PAPSS2: variants seen among roughly 807,000 people sequenced by gnomAD.
The protein encoded by PAPSS2 is 3'-phosphoadenosine 5'-phosphosulfate synthase 2.
Under a neutral mutation model 66.5 loss-of-function variants are expected in PAPSS2, and 61 were observed. The ratio of observed to expected loss-of-function variants is 0.92; its 90% CI spans 0.75 to 1.14. The LOEUF is 1.14. Among genes scored for constraint, PAPSS2 ranks in the 50% most tolerant of loss-of-function variants. The pLI, the probability that PAPSS2 is intolerant of heterozygous loss-of-function variation, is 0.00. For synonymous variants in PAPSS2, 289 were observed against 287.5 expected (o/e 1.01, Z -0.05); for missense variants, 708 against 789.6 (o/e 0.90, Z 1.24).
intron 1 of PAPSS2, among the ~76,000 whole-genome samples, chr10:87,678,466 G>A (rs1215932980): frequency 6.6e-6 from 1 of 152,040 alleles, no homozygotes. Context: ...AAACTAAAAA[G>A]CTTCTGCACA....
intron 1 of PAPSS2, among the ~76,000 whole-genome samples, chr10:87,663,624 G>C (rs1852782195): frequency 6.6e-6 from 1 of 152,170 alleles, no homozygotes; most frequent in Non-Finnish European, 1.5e-5. Flanking sequence ...ATTCAGGTCT[G>C]TCCAGCTTCA....
At chr10:87,718,904 A>G (rs1196256641) in intron 7 of PAPSS2, among the ~76,000 whole-genome samples, 1 of 152,166 alleles carries the variant, frequency 6.6e-6, no homozygotes, top group Non-Finnish European at 1.5e-5. Flanking sequence ...AGGGTTCAAG[A>G]TCAGATGTTT....
At chr10:87,730,244 G>A (rs914973126) in intron 9 of PAPSS2, among the ~76,000 whole-genome samples, 4 of 152,144 alleles carry the variant, frequency 2.6e-5, no homozygotes, top group African/African-American at 4.8e-5. Flanking sequence ...TACTGCACAC[G>A]GGGAAAATCA....
chr10:87,692,370 A>G (rs7077252), intron 1 of PAPSS2, among the ~76,000 whole-genome samples: 8,513 of 152,208 alleles, frequency 0.056, 792 homozygotes, highest in African/African-American at 0.19. Context: ...AAGCAGGTAC[A>G]AATCACTGAG....
intron 11 of PAPSS2, among the ~76,000 whole-genome samples, chr10:87,744,395 G>T (rs1853911212): frequency 6.6e-6 from 1 of 152,180 alleles, no homozygotes; most frequent in Non-Finnish European, 1.5e-5. Context: ...TAGTGGATTT[G>T]AACGAGCTGG....
At chr10:87,737,043 C>T (rs1454487222) in intron 9 of PAPSS2, among the ~76,000 whole-genome samples, 4 of 152,100 alleles carry the variant, frequency 2.6e-5, no homozygotes, top group Admixed American at 6.5e-5. Context: ...CTCTCCCAGG[C>T]CTAGCAGCAA....
chr10:87,722,192 C>G (rs1158939658), intron 8 of PAPSS2, among the ~76,000 whole-genome samples: 1 of 151,854 alleles, frequency 6.6e-6, no homozygotes, highest in Non-Finnish European at 1.5e-5. Flanking sequence ...CTGAATGTAC[C>G]TGGTTGGATT....
intron 3 of PAPSS2, among the ~76,000 whole-genome samples, chr10:87,713,639 G>A (rs1243383460): frequency 2.0e-5 from 3 of 152,116 alleles, no homozygotes; most frequent in Non-Finnish European, 4.4e-5. Context: ...TTTAGTTGTC[G>A]GAAAAAGGAT....
At chr10:87,675,099 C>T (rs913425180) in intron 1 of PAPSS2, among the ~76,000 whole-genome samples, 6 of 152,170 alleles carry the variant, frequency 3.9e-5, no homozygotes, top group African/African-American at 7.2e-5. Context: ...CTAAGAGGGA[C>T]GGCCTTTATT....
chr10:87,730,342 CA>C (rs1308505195), intron 9 of PAPSS2, among the ~76,000 whole-genome samples: 1 of 152,124 alleles, frequency 6.6e-6, no homozygotes, highest in East Asian at 1.9e-4. Flanking sequence ...AGAGGATGGC[CA>C]AAACCAGGTT....
At position 87,705,826 on chromosome 10, in the gene PAPSS2, C is replaced by T. The variant is rs558818444; in HGVS notation, c.28-3370C>T. ...TCGGGTCACTGCAACCTCCGCCTCCCGGGTTCAAGCGATTCTTCTGCCTCA... is the reference window on the plus strand; with the variant it reads ...TCGGGTCACTGCAACCTCCGCCTCCTGGGTTCAAGCGATTCTTCTGCCTCA... On this transcript the variant is annotated intron_variant, in intron 1 of 12. Transcript: ENST00000456849. Among the ~76,000 whole-genome samples the T allele has an allele frequency of 7.9e-5, 12 of 151,218 alleles. No individual in the cohort carries two copies. The East Asian group carries it at 1.4e-3, about 17-fold the overall frequency.
At chr10:87,714,903 A>C (rs1156327044) in intron 5 of PAPSS2, 40 bp downstream of exon 5, 1 of 1,458,848 alleles carries the variant, frequency 6.9e-7, no homozygotes, top group Middle Eastern at 1.7e-4. Flanking sequence ...GTTTAATAAA[A>C]TCATGAAAGA....
At chr10:87,670,108 A>G (rs1852857897) in intron 1 of PAPSS2, among the ~76,000 whole-genome samples, 1 of 152,262 alleles carries the variant, frequency 6.6e-6, no homozygotes, top group Non-Finnish European at 1.5e-5. Flanking sequence ...ATGGTAACAT[A>G]AGGTGAATAA....
chr10:87,685,202 C>T (rs1221673962), intron 1 of PAPSS2, among the ~76,000 whole-genome samples: 1 of 152,144 alleles, frequency 6.6e-6, no homozygotes, highest in Non-Finnish European at 1.5e-5. Flanking sequence ...GAGAGTTGAG[C>T]TTGTCTCTGT....
chr10:87,700,652 T>C (rs1293742887), intron 1 of PAPSS2, among the ~76,000 whole-genome samples: 1 of 147,812 alleles, frequency 6.8e-6, no homozygotes, highest in Non-Finnish European at 1.5e-5. Context: ...AGTGAGACCC[T>C]GTCTCAAAAA....
At chr10:87,660,257 C>G (rs886253150) in intron 1 of PAPSS2, 1 of 598,894 alleles carries the variant, frequency 1.7e-6, no homozygotes, top group Non-Finnish European at 3.0e-6. Context: ...GCCGCGCCCG[C>G]GAGAGACCTC....
chr10:87,703,317 A>C (rs369854131), intron 1 of PAPSS2, among the ~76,000 whole-genome samples: 2 of 134,970 alleles, frequency 1.5e-5, no homozygotes, highest in African/African-American at 5.3e-5. Context: ...GTGTGTGTGT[A>C]AAACTGGTGC....
intron 1 of PAPSS2, among the ~76,000 whole-genome samples, chr10:87,706,593 CAA>C (rs5786789): frequency 1.7e-4 from 13 of 77,672 alleles, no homozygotes; most frequent in Admixed American, 2.9e-4. Context: ...CCTATCTGTA[CAA>C]AAAAAAAAAA....
intron 9 of PAPSS2, among the ~76,000 whole-genome samples, chr10:87,736,263 C>CTTTTTTTTTTT (rs10553485): frequency 4.8e-5 from 5 of 103,228 alleles, no homozygotes; most frequent in Admixed American, 1.1e-4. Flanking sequence ...TTCTTTCTTT[C>CTTTTTTTTTTT]TTTTTTTTTT....
Sources: allele counts gnomAD v4.1 joint callset (sites outside exome capture counted in the v4.1 genomes callset), GRCh38; gene constraint gnomAD v4.1.1; transcripts MANE v1.5; gene names NCBI Gene and HGNC (gene_info 2026-07-23, HGNC 2026-07-21).